OCLN: variants seen among roughly 807,000 people sequenced by gnomAD.
The protein encoded by OCLN is phosphatase 1, regulatory subunit 115.
A neutral mutation model predicts 47.9 loss-of-function variants in OCLN; 21 were observed. The observed-to-expected ratio is 0.44, with a 90% CI of 0.31 to 0.63. The LOEUF (loss-of-function observed/expected upper bound fraction) is 0.63. Ranked by LOEUF, OCLN falls within the 30% of genes least tolerant of loss-of-function variation. The pLI is 0.08. For missense variants in OCLN, 360 were observed against 571.0 expected (o/e 0.63, Z 3.77); for synonymous variants, 117 against 198.4 (o/e 0.59, Z 3.45).
chr5:69,507,199 A>G (rs887931157), intron 2 of OCLN, among the ~76,000 whole-genome samples: 3 of 151,776 alleles, frequency 2.0e-5, no homozygotes, highest in African/African-American at 4.8e-5. Context: ...CAGTGGCACA[A>G]TCTTGGCTCA....
chr5:69,555,182 C>T lies in OCLN; in HGVS notation c.*1511C>T, dbSNP rs1171255548. 7.3e-6 allele frequency: 1 copy of T among 136,820 alleles called. No individual in the cohort carries two copies. The highest frequency in any genetic ancestry group is 1.6e-5 in the Non-Finnish European group (1 of 61,162). The allele number at this position is 136,820 out of a possible 1,614,324, so 8.5% of individuals were successfully genotyped here. A position where few individuals can be genotyped will look rare whatever the true frequency, so the allele number is the denominator to read the frequency against. On this transcript the variant is annotated 3_prime_UTR_variant, in exon 9 of 9. Coordinates refer to ENST00000396442, the MANE Select transcript of OCLN (RefSeq NM_001205254.2). ...AACTCCTGACCTTGTGGTCTGCCTG[C>T]CTCGGCCTCCCAAAGTGCTGGGATT...
chr5:69,505,933 A>G (rs1375436600), intron 2 of OCLN, among the ~76,000 whole-genome samples: 1 of 152,180 alleles, frequency 6.6e-6, no homozygotes, highest in Non-Finnish European at 1.5e-5. Flanking sequence ...CAATTCTGAC[A>G]CTGTCAGAGA....
At chr5:69,509,032 A>G in intron 2 of OCLN, 109 bp from the exon 3 acceptor site, 2 of 955,562 alleles carry the variant, frequency 2.1e-6, no homozygotes, top group Non-Finnish European at 3.3e-6. Flanking sequence ...GTGCACAGAT[A>G]AGCTTTAGTT....
chr5:69,495,041 G>A (rs888623266), intron 1 of OCLN, among the ~76,000 whole-genome samples: 1 of 152,132 alleles, frequency 6.6e-6, no homozygotes, highest in Admixed American at 6.6e-5. Context: ...TCTTCTAAAG[G>A]TAGTGTTGGA....
chr5:69,510,297 CT>C (rs1411593036), intron 3 of OCLN, among the ~76,000 whole-genome samples: 2 of 152,182 alleles, frequency 1.3e-5, no homozygotes, highest in African/African-American at 4.8e-5. Flanking sequence ...GTGCCATTCT[CT>C]CATTCCTTTT....
intron 4 of OCLN, among the ~76,000 whole-genome samples, chr5:69,519,346 A>C (rs555385117): frequency 1.3e-4 from 20 of 152,302 alleles, no homozygotes; most frequent in African/African-American, 4.8e-4. Context: ...CTGTGCCTTC[A>C]GTGTTTAAAA....
intron 4 of OCLN, among the ~76,000 whole-genome samples, chr5:69,525,238 G>T (rs2112032597): frequency 6.6e-6 from 1 of 151,928 alleles, no homozygotes; most frequent in South Asian, 2.1e-4. Context: ...CTGAGTAGCT[G>T]GGACTACAGG....
At position 69,514,163 on chromosome 5, in the gene OCLN, T is replaced by A. The variant is rs909397046; in HGVS notation, c.891+54T>A. ...TTTATTAAAGCCCCAAATTTGTGTC[T>A]GAATTTTTAGTGCTTTGTTAAACTT... On this transcript the variant is annotated intron_variant, in intron 4 of 8. Coordinates refer to ENST00000396442, the MANE Select transcript of OCLN (RefSeq NM_001205254.2). 4.3e-5 allele frequency: 64 copies of A among 1,480,776 alleles called. No individual in the cohort carries two copies. The African/African-American group carries it at 4.9e-4, about 11-fold the overall frequency. 91.7% of individuals were successfully genotyped at this position (1,480,776 alleles called of 1,614,324 possible).
In OCLN at chr5:69,500,264, G is replaced by T. The variant is rs527657985; in HGVS notation, c.-68-3913G>T. 1.3e-3 allele frequency among the ~76,000 whole-genome samples: 194 copies of T among 152,288 alleles called. 1 individual carries two copies. Among genetic ancestry groups the T allele is most frequent in the Middle Eastern group, 3.4e-3 (1 of 294 alleles). ...CCCACCCACACAAGGATGTGCTCAA[G>T]ATTTTCAGGATTCTTTCTCTCTGCA... On this transcript the variant is annotated intron_variant, in intron 1 of 8. Coordinates refer to ENST00000396442, the MANE Select transcript of OCLN (RefSeq NM_001205254.2).
At chr5:69,497,390 T>C (rs555301414) in intron 1 of OCLN, among the ~76,000 whole-genome samples, 8 of 148,038 alleles carry the variant, frequency 5.4e-5, no homozygotes, top group Admixed American at 2.7e-4. Flanking sequence ...TCTAGATTTT[T>C]TTTTTTTTTT....
chr5:69,519,974 G>T (rs538100891), intron 4 of OCLN, among the ~76,000 whole-genome samples: 6 of 152,154 alleles, frequency 3.9e-5, no homozygotes, highest in Admixed American at 2.6e-4. Flanking sequence ...TTGTTTGTTT[G>T]TTTTTGAGAC....
chr5:69,514,939 T>C (rs890833954), intron 4 of OCLN, among the ~76,000 whole-genome samples: 30 of 152,328 alleles, frequency 2.0e-4, no homozygotes, highest in African/African-American at 6.3e-4. Flanking sequence ...TACACAGACA[T>C]GGCAACCATC....
chr5:69,504,408 G>C, intron 2 of OCLN, 114 bp downstream of exon 2: 1 of 736,422 alleles, frequency 1.4e-6, no homozygotes, highest in Middle Eastern at 3.1e-4. Context: ...ATGTGTACTT[G>C]TAAATTTAAA....
intron 4 of OCLN, among the ~76,000 whole-genome samples, chr5:69,519,838 C>A (rs1769083735): frequency 6.6e-6 from 1 of 152,070 alleles, no homozygotes; most frequent in Admixed American, 6.6e-5. Flanking sequence ...CCTCTGGATA[C>A]CTGGGTTTTG....
chr5:69,502,146 C>T (rs1251872724), intron 1 of OCLN, among the ~76,000 whole-genome samples: 1 of 150,932 alleles, frequency 6.6e-6, no homozygotes, highest in African/African-American at 2.4e-5. Flanking sequence ...TTGCAGTGAG[C>T]TGAGATCATG....
rs1768217144 is a variant in OCLN at position 69,493,899 on chromosome 5, G to T, written c.-69+999G>T. Reference sequence around the variant, plus strand: ...CCTCGCGCTCCTCGGGAAGCCACCGGGCCCGAGGGAAAAGCCGCGGCATCC... The same window carrying T: ...CCTCGCGCTCCTCGGGAAGCCACCGTGCCCGAGGGAAAAGCCGCGGCATCC... On this transcript the variant is annotated intron_variant, in intron 1 of 8. Coordinates refer to ENST00000396442, the MANE Select transcript of OCLN (RefSeq NM_001205254.2). This position sits in a 1 kb window ranked among gnomAD's most constrained non-coding sequence, Gnocchi z 5.3. Among the ~76,000 whole-genome samples, 1 of 152,224 alleles carries T rather than the reference G, an allele frequency of 6.6e-6. No individual in the cohort carries two copies. Among genetic ancestry groups the T allele is most frequent in the Admixed American group, 6.5e-5 (1 of 15,284 alleles).
chr5:69,548,322 T>G (rs1311425920), intron 7 of OCLN, among the ~76,000 whole-genome samples: 6 of 147,436 alleles, frequency 4.1e-5, no homozygotes, highest in Non-Finnish European at 7.5e-5. Context: ...TCTGTTTTTT[T>G]TTTTTTTTTG....
intron 7 of OCLN, among the ~76,000 whole-genome samples, chr5:69,550,409 C>G (rs896263879): frequency 2.0e-5 from 3 of 151,014 alleles, no homozygotes; most frequent in African/African-American, 7.3e-5. Flanking sequence ...TCAGGCTAGC[C>G]TCGAACTCCT....
At chr5:69,508,065 T>G (rs1383582804) in intron 2 of OCLN, among the ~76,000 whole-genome samples, 1 of 151,976 alleles carries the variant, frequency 6.6e-6, no homozygotes, top group Non-Finnish European at 1.5e-5. Flanking sequence ...TAAATTTTTT[T>G]GCCCTGTCAC....
Sources: allele counts gnomAD v4.1 joint callset (sites outside exome capture counted in the v4.1 genomes callset), GRCh38; gene constraint gnomAD v4.1.1; non-coding constraint Gnocchi (gnomAD v3.1); transcripts MANE v1.5; gene names NCBI Gene and HGNC (gene_info 2026-07-23, HGNC 2026-07-21).